The following SGF29 variants were observed in gnomAD, a reference collection of about 807,000 sequenced individuals.
The protein encoded by SGF29 is SAGA-associated factor 29.
Under a neutral mutation model 38.1 loss-of-function variants are expected in SGF29, and 15 were observed. That is an observed-to-expected ratio of 0.39 (90% CI 0.26 to 0.61). The LOEUF is 0.61. Ranked by LOEUF, SGF29 falls within the 20% of genes least tolerant of loss-of-function variation. The pLI is 0.49. For missense variants in SGF29, 184 were observed against 394.6 expected, an observed-to-expected ratio of 0.47 and a Z score of 4.52; for synonymous variants, 151 against 160.8, an observed-to-expected ratio of 0.94 and a Z score of 0.46.
chr16:28,576,476 G>A (rs2046894955), intron 1 of SGF29, among the ~76,000 whole-genome samples: 1 of 152,106 alleles, frequency 6.6e-6, no homozygotes, highest in Non-Finnish European at 1.5e-5. Flanking sequence ...CAAGGCAGGT[G>A]GATCACCTAA....
chr16:28,558,973 T>C (rs2046769116), intron 1 of SGF29, among the ~76,000 whole-genome samples: 1 of 152,192 alleles, frequency 6.6e-6, no homozygotes, highest in South Asian at 2.1e-4. Context: ...TAGATAGTGG[T>C]GATATTTGCA....
At chr16:28,573,505 G>T (rs894921232) in intron 1 of SGF29, among the ~76,000 whole-genome samples, 4 of 152,196 alleles carry the variant, frequency 2.6e-5, no homozygotes, top group African/African-American at 9.7e-5. Flanking sequence ...ATTTAGGGAA[G>T]AAGTTTTGCC....
intron 1 of SGF29, among the ~76,000 whole-genome samples, chr16:28,575,874 G>A (rs2046889305): frequency 6.6e-6 from 1 of 152,128 alleles, no homozygotes; most frequent in Admixed American, 6.5e-5. Context: ...GCCAGGCATG[G>A]TGGCTCACAC....
intron 2 of SGF29, among the ~76,000 whole-genome samples, chr16:28,583,400 T>A (rs2046937966): frequency 6.6e-6 from 1 of 152,104 alleles, no homozygotes; most frequent in East Asian, 1.9e-4. Context: ...CCAACCCCAA[T>A]CCATTCCCAT....
At chr16:28,588,655 C>T (rs1255066595) in intron 4 of SGF29, 2 of 425,020 alleles carry the variant, frequency 4.7e-6, no homozygotes, top group Non-Finnish European at 9.3e-6. Context: ...ACCTCTGCCT[C>T]CCAGGTTCAA....
chr16:28,581,044 T>TC lies in SGF29; in HGVS notation c.-15-6dup. 1 of 1,606,788 alleles carries TC rather than the reference T, an allele frequency of 6.2e-7. No individual in the cohort carries two copies. Among genetic ancestry groups the TC allele is most frequent in the Non-Finnish European group, 8.5e-7 (1 of 1,174,220 alleles). ...TAACAGAGTTCTCTTCTGTCCTCGC[T>TC]CCCCCACCAGGTGCCCCTGTAGACA... On this transcript the variant is annotated splice_polypyrimidine_tract_variant and intron_variant, in intron 1 of 9. Transcript: ENST00000317058.
intron 4 of SGF29, 49 bp downstream of exon 4, chr16:28,585,769 C>A: frequency 6.4e-7 from 1 of 1,556,256 alleles, no homozygotes; most frequent in Non-Finnish European, 8.9e-7. Context: ...TTCCTGGGGG[C>A]TGGGCTGCAG....
intron 1 of SGF29, among the ~76,000 whole-genome samples, chr16:28,566,595 G>A (rs1208864509): frequency 1.3e-5 from 2 of 151,982 alleles, no homozygotes; most frequent in African/African-American, 4.8e-5. Context: ...TTCAAGACCA[G>A]CCTGGGCAAC....
intron 4 of SGF29, chr16:28,588,748 T>C (rs1475266055): frequency 2.8e-5 from 10 of 355,680 alleles, no homozygotes; most frequent in Non-Finnish European, 5.5e-5. Context: ...GTTTTGTATT[T>C]TTAATACAGA....
intron 1 of SGF29, among the ~76,000 whole-genome samples, chr16:28,573,515 C>T (rs994525570): frequency 6.6e-6 from 1 of 152,012 alleles, no homozygotes; most frequent in South Asian, 2.1e-4. Context: ...GAAGTTTTGC[C>T]GTGAAGAGGA....
chr16:28,574,214 G>A (rs143122280), intron 1 of SGF29, among the ~76,000 whole-genome samples: 1 of 152,232 alleles, frequency 6.6e-6, no homozygotes, highest in Admixed American at 6.5e-5. Context: ...GGAGACCCAC[G>A]TGGGTGCTGA....
At chr16:28,560,314 G>A (rs558790431) in intron 1 of SGF29, among the ~76,000 whole-genome samples, 25 of 151,490 alleles carry the variant, frequency 1.7e-4, no homozygotes, top group African/African-American at 4.1e-4. Context: ...GAATGGGCCC[G>A]GCACAGTGGC....
At chr16:28,591,568 C>T in intron 9 of SGF29, 22 bp from the exon 10 acceptor site, 2 of 1,562,180 alleles carry the variant, frequency 1.3e-6, no homozygotes, top group African/African-American at 2.7e-5. Flanking sequence ...TGAGCAGCCC[C>T]TCCTGTCTGC....
chr16:28,560,242 A>G (rs957562792), intron 1 of SGF29, among the ~76,000 whole-genome samples: 1 of 151,434 alleles, frequency 6.6e-6, no homozygotes, highest in African/African-American at 2.4e-5. Flanking sequence ...AAACCACGAA[A>G]ATTTTAAAAT....
chr16:28,555,477 A>G (rs541558885), intron 1 of SGF29, among the ~76,000 whole-genome samples: 14 of 152,282 alleles, frequency 9.2e-5, no homozygotes, highest in Admixed American at 7.9e-4. Flanking sequence ...CCCTGTCTCA[A>G]AAAAGAGTTC....
At chr16:28,587,282 G>A (rs1055024712) in intron 4 of SGF29, among the ~76,000 whole-genome samples, 11 of 152,172 alleles carry the variant, frequency 7.2e-5, no homozygotes, top group African/African-American at 2.7e-4. Flanking sequence ...CTTCCCCCAG[G>A]AGATTCTGAT....
At chr16:28,565,383 G>A (rs1374232825) in intron 1 of SGF29, among the ~76,000 whole-genome samples, 1 of 152,222 alleles carries the variant, frequency 6.6e-6, no homozygotes, top group Non-Finnish European at 1.5e-5. Flanking sequence ...TTGAGGTGCA[G>A]TATGTAAGCA....
At chr16:28,591,283 T>C (rs1316849443) in intron 9 of SGF29, among the ~76,000 whole-genome samples, 1 of 152,136 alleles carries the variant, frequency 6.6e-6, no homozygotes, top group Non-Finnish European at 1.5e-5. Context: ...ACCCTCTGGG[T>C]TGCCCTCAGT....
chr16:28,589,086 C>T lies in SGF29; in HGVS notation c.225-14C>T, dbSNP rs754611860. 6.2e-7 allele frequency: 1 copy of T among 1,614,048 alleles called. No homozygotes were observed. The highest frequency in any genetic ancestry group is 8.5e-7 in the Non-Finnish European group (1 of 1,179,914). On this transcript the variant is annotated splice_polypyrimidine_tract_variant and intron_variant, in intron 4 of 9. Coordinates refer to ENST00000317058, the MANE Select transcript of SGF29 (RefSeq NM_138414.3). ...GTTAACCAAACCCTCTTTCTCCCTT[C>T]TCCCCGCCCTCAGCATCCTTCGGAA...
Sources: allele counts gnomAD v4.1 joint callset (sites outside exome capture counted in the v4.1 genomes callset), GRCh38; gene constraint gnomAD v4.1.1; transcripts MANE v1.5; gene names NCBI Gene and HGNC (gene_info 2026-07-23, HGNC 2026-07-21).